The following SEPTIN6 variants were observed in gnomAD, a reference collection of about 807,000 sequenced individuals.
The protein encoded by SEPTIN6 is septin 6.
SEPTIN6 carries 8 observed loss-of-function variants against 33.6 expected under a neutral mutation model. That is an observed-to-expected ratio of 0.24 (90% CI 0.14 to 0.43). SEPTIN6 has a LOEUF of 0.43. Ranked by LOEUF, SEPTIN6 falls within the 20% of genes least tolerant of loss-of-function variation. The pLI is 1.00. For synonymous variants in SEPTIN6, 131 were observed against 140.0 expected (o/e 0.94, Z 0.45); for missense variants, 250 against 340.8 (o/e 0.73, Z 2.10).
In SEPTIN6 at chrX:119,653,040, G is replaced by C; in HGVS notation, c.342C>G (p.Ser114Arg). 8.3e-7 allele frequency: 1 copy of C among 1,203,769 alleles called. No homozygotes were observed. Among genetic ancestry groups the C allele is most frequent in the Non-Finnish European group, 1.1e-6 (1 of 889,490 alleles). ...GFGDQINKED[S>R]YKPIVEFIDA... ...CGATGAATTCCACGATAGGCTTGTA[G>C]CTAAAAGGGAGAGCAGGGACAGAGG... is the stretch of plus-strand genomic sequence containing the variant. The change falls in exon 4 of 11, where the codon AGC becomes AGG. Residue 114 changes from serine to arginine, a missense_variant and splice_region_variant. Ser to Arg is a moderately radical substitution (Grantham distance 110). Coordinates refer to ENST00000394610, the MANE Select transcript of SEPTIN6 (RefSeq NM_145799.4).
intron 1 of SEPTIN6, among the ~76,000 whole-genome samples, chrX:119,690,548 A>AC (rs1200453220): frequency 9.6e-6 from 1 of 104,024 alleles, no homozygotes; most frequent in Admixed American, 1.0e-4. Context: ...CATGGTGAAA[A>AC]CCCCCCTCTA....
chrX:119,633,500 C>A lies in SEPTIN6; in HGVS notation c.957-8G>T. The A allele has an allele frequency of 8.4e-7, 1 of 1,191,668 alleles. No individual in the cohort carries two copies. The highest frequency in any genetic ancestry group is 1.1e-6 in the Non-Finnish European group (1 of 886,569). On this transcript the variant is annotated splice_region_variant and splice_polypyrimidine_tract_variant and intron_variant, in intron 7 of 10. Transcript: ENST00000394610. ...TCATATGTCTCCTGTAAACTGCGAA[C>A]ATGGTCAGGTTAATTCTTCTTCCTT...
intron 1 of SEPTIN6, among the ~76,000 whole-genome samples, chrX:119,692,314 G>A (rs1399114410): frequency 2.8e-5 from 3 of 108,196 alleles, no homozygotes; most frequent in African/African-American, 1.0e-4. Context: ...GCCACCTACA[G>A]GCCAGCCAAC....
chrX:119,668,875 C>T (rs1039905273), intron 2 of SEPTIN6, among the ~76,000 whole-genome samples: 3 of 111,199 alleles, frequency 2.7e-5, no homozygotes, highest in African/African-American at 9.8e-5. Flanking sequence ...GATTTTGATG[C>T]ACCCATCTCC....
rs2053722912 is a variant in SEPTIN6, at chrX:119,620,057, A to T, written c.*42-6T>A. 8.4e-7 allele frequency: 1 copy of T among 1,189,257 alleles called. No homozygotes were observed. Among genetic ancestry groups the T allele is most frequent in the Admixed American group, 2.2e-5 (1 of 44,916 alleles). On this transcript the variant is annotated splice_region_variant and splice_polypyrimidine_tract_variant and intron_variant, in intron 10 of 10. Coordinates refer to ENST00000394610, the MANE Select transcript of SEPTIN6 (RefSeq NM_145799.4). The stretch of plus-strand genomic sequence containing the variant: ...GTGTCTACAGGAAGCCCAAACTGAA[A>T]ATGAAAAGAGAAGCTGAGTTAATGA...
At chrX:119,624,164 T>G (rs1489298408) in intron 10 of SEPTIN6, 5 of 242,810 alleles carry the variant, frequency 2.1e-5, no homozygotes, top group South Asian at 1.2e-4. Context: ...TTTGTTTTTT[T>G]TTTTGTTTGT....
At chrX:119,628,941 T>C (rs2053908085) in intron 9 of SEPTIN6, 2 of 140,245 alleles carry the variant, frequency 1.4e-5, no homozygotes, top group Non-Finnish European at 2.8e-5. Flanking sequence ...TGAGCCACCG[T>C]GCCCGGCCTT....
At position 119,625,366 on chromosome X, in the gene SEPTIN6, A is replaced by G; in HGVS notation, c.*10T>C. The G allele has an allele frequency of 5.0e-6, 6 of 1,208,628 alleles. No homozygotes were observed. Among genetic ancestry groups the G allele is most frequent in the Non-Finnish European group, 6.7e-6 (6 of 892,745 alleles). The stretch of plus-strand genomic sequence containing the variant: ...CCTGGGTCTCATGCAGCATGCAGCA[A>G]ACAGCAGAGTTAACTGTAAAACAGT... On this transcript the variant is annotated 3_prime_UTR_variant, in exon 10 of 11. Transcript: ENST00000394610.
At chrX:119,621,479 G>GTGTGTA (rs2053762994) in intron 10 of SEPTIN6, among the ~76,000 whole-genome samples, 2 of 103,153 alleles carry the variant, frequency 1.9e-5, no homozygotes, top group Non-Finnish European at 4.0e-5. Flanking sequence ...GTGTGTGTGT[G>GTGTGTA]TGTGTGTGTG....
At chrX:119,615,946 G>A (rs149477860), downstream of SEPTIN6, 1,336 of 167,561 alleles carry the variant, frequency 8.0e-3, 11 homozygotes, top group African/African-American at 0.037. Context: ...CTGAACAGCA[G>A]AATGGTGGTG....
rs66460162 is a variant in SEPTIN6, at chrX:119,675,041, CA to C, written c.145+512del. 1.1e-3 allele frequency among the ~76,000 whole-genome samples: 102 copies of C among 94,662 alleles called. 1 individual carries two copies. The highest frequency in any genetic ancestry group is 5.2e-3 in the Admixed American group (45 of 8,604). 82.2% of individuals were successfully genotyped at this position (94,662 alleles called of 115,157 possible). A position where few individuals can be genotyped will look rare whatever the true frequency, so the allele number is the denominator to read the frequency against. On this transcript the variant is annotated intron_variant, in intron 2 of 10. Coordinates refer to ENST00000394610, the MANE Select transcript of SEPTIN6 (RefSeq NM_145799.4). ...GGGCAACATAGTGAGACCCCCATCT[CA>C]AAAAAAAAAAAGTCTAGGCAGAGAG...
At chrX:119,645,027 C>T (rs1319964277) in intron 5 of SEPTIN6, among the ~76,000 whole-genome samples, 1 of 104,578 alleles carries the variant, frequency 9.6e-6, no homozygotes, top group Non-Finnish European at 2.0e-5. Flanking sequence ...CTTGCCTCAG[C>T]CTCCTGAGTA....
At chrX:119,622,739 AC>A (rs1005031895) in intron 10 of SEPTIN6, among the ~76,000 whole-genome samples, 3 of 112,519 alleles carry the variant, frequency 2.7e-5, no homozygotes, top group Non-Finnish European at 5.6e-5. Context: ...TAACTAGAAT[AC>A]ATATTTCCTG....
chrX:119,672,104 CAG>C (rs2054759586), intron 2 of SEPTIN6, among the ~76,000 whole-genome samples: 2 of 111,839 alleles, frequency 1.8e-5, no homozygotes, highest in Non-Finnish European at 3.8e-5. Context: ...TTTTTTGGAA[CAG>C]GGGTGAAATT....
At chrX:119,662,521 A>C (rs747880023) in intron 3 of SEPTIN6, among the ~76,000 whole-genome samples, 1 of 111,564 alleles carries the variant, frequency 9.0e-6, no homozygotes, top group Non-Finnish European at 1.9e-5. Flanking sequence ...GTATTTAGCA[A>C]ATCTGTCTCC....
chrX:119,639,374 C>T (rs2147494684), intron 6 of SEPTIN6, among the ~76,000 whole-genome samples: 1 of 112,035 alleles, frequency 8.9e-6, no homozygotes, highest in Admixed American at 9.5e-5. Context: ...CCATCCTTGG[C>T]CTTGTCTTGT....
intron 3 of SEPTIN6, among the ~76,000 whole-genome samples, chrX:119,655,319 C>T (rs2054422159): frequency 1.8e-5 from 2 of 110,445 alleles, no homozygotes; most frequent in South Asian, 7.8e-4. Context: ...CTGTCTGGAA[C>T]ATAGTAAAGT....
chrX:119,644,063 G>A (rs1200387179), intron 5 of SEPTIN6, among the ~76,000 whole-genome samples: 1 of 111,315 alleles, frequency 9.0e-6, no homozygotes, highest in African/African-American at 3.3e-5. Context: ...CCAAATCTGA[G>A]GCCAGGCTTT....
chrX:119,641,410 G>A (rs910404471), intron 5 of SEPTIN6, among the ~76,000 whole-genome samples: 1 of 112,285 alleles, frequency 8.9e-6, no homozygotes, highest in Admixed American at 9.5e-5. Flanking sequence ...GACAGAAGCA[G>A]CAGAAGACAC....
Sources: gnomAD v4.1 joint callset for allele counts (sites outside exome capture counted in the v4.1 genomes callset) on GRCh38, gnomAD v4.1.1 for gene constraint, MANE v1.5 for transcripts, NCBI Gene and HGNC (gene_info 2026-07-23, HGNC 2026-07-21) for gene names.